The following INTS6 variants were observed in gnomAD, a reference collection of about 807,000 sequenced individuals.
The protein encoded by INTS6 is integrator complex subunit 6.
A neutral mutation model predicts 104.9 loss-of-function variants in INTS6; 16 were observed. The observed-to-expected ratio is 0.15, with a 90% CI of 0.10 to 0.23. The LOEUF is 0.23. INTS6 is among the 10% of genes least tolerant of loss of function. The pLI is 1.00. For missense variants in INTS6, 584 were observed against 1,062.8 expected, an observed-to-expected ratio of 0.55 and a Z score of 6.26; for synonymous variants, 324 against 358.7, an observed-to-expected ratio of 0.90 and a Z score of 1.09.
At chr13:51,451,461 G>T (rs1051344173) in intron 2 of INTS6, 64 of 192,376 alleles carry the variant, frequency 3.3e-4, no homozygotes, top group Non-Finnish European at 5.1e-4. Flanking sequence ...GAAGGTACTA[G>T]TGGAAGCAGA....
At chr13:51,418,156 G>A (rs902050966) in intron 4 of INTS6, among the ~76,000 whole-genome samples, 1 of 152,126 alleles carries the variant, frequency 6.6e-6, no homozygotes, top group Non-Finnish European at 1.5e-5. Context: ...AGGAATAAAA[G>A]AAAGTAATAC....
At chr13:51,336,283 T>A in the INTS6 span, among the ~76,000 whole-genome samples, 2 of 152,002 alleles carry the variant, frequency 1.3e-5, no homozygotes, top group Non-Finnish European at 2.9e-5. Flanking sequence ...AGGCCAGGAG[T>A]TCGAGACCAA....
At chr13:51,393,368 G>T (rs1272111269) in intron 5 of INTS6, among the ~76,000 whole-genome samples, 1 of 152,114 alleles carries the variant, frequency 6.6e-6, no homozygotes, top group South Asian at 2.1e-4. Context: ...ATGAGCCACC[G>T]CGCCCGGCCA....
At position 51,383,426 on chromosome 13, in the gene INTS6, A is replaced by C. The variant is rs907315266; in HGVS notation, c.1083T>G (p.Leu361=). The part of the protein sequence containing the change: ...YVSNSAKYSE[L]GHPFGYLKAS... ...CTTTCAAGTAACCAAAAGGATGACC[A>C]AGTTCACTGTATTTTGCACTATTGC... The change falls in exon 9 of 18, where the codon CTT becomes CTG. Residue 361 remains leucine (L), a synonymous_variant. Coordinates refer to ENST00000311234, the MANE Select transcript of INTS6 (RefSeq NM_012141.3). 1 of 1,614,026 alleles carries C rather than the reference A, an allele frequency of 6.2e-7. No homozygotes were observed. The highest frequency in any genetic ancestry group is 8.5e-7 in the Non-Finnish European group (1 of 1,179,952).
chr13:51,341,093 T>C, the INTS6 span: 1 of 1,613,500 alleles, frequency 6.2e-7, no homozygotes, highest in African/African-American at 1.3e-5. Flanking sequence ...CCAGCCTCCA[T>C]GCCGCCTTTC....
intron 16 of INTS6, among the ~76,000 whole-genome samples, chr13:51,368,268 A>T (rs1038392014): frequency 3.3e-5 from 5 of 152,078 alleles, no homozygotes; most frequent in African/African-American, 4.8e-5. Context: ...GGTAACTGGG[A>T]AGTGGGGGTA....
chr13:51,353,111 A>G (rs1955424693), downstream of INTS6, among the ~76,000 whole-genome samples: 1 of 152,062 alleles, frequency 6.6e-6, no homozygotes, highest in South Asian at 2.1e-4. Flanking sequence ...TACTCAAGTT[A>G]TTTTTGTAGC....
chr13:51,351,699 T>C (rs1320587304), downstream of INTS6, among the ~76,000 whole-genome samples: 1 of 152,142 alleles, frequency 6.6e-6, no homozygotes, highest in Non-Finnish European at 1.5e-5. Context: ...TTATATTGAA[T>C]AGACACCACT....
chr13:51,430,970 T>C (rs1957079992), intron 3 of INTS6, among the ~76,000 whole-genome samples: 1 of 152,124 alleles, frequency 6.6e-6, no homozygotes, highest in African/African-American at 2.4e-5. Context: ...AATGGTTACC[T>C]AAAGAAAATG....
chr13:51,351,146 A>G (rs371558081), downstream of INTS6, among the ~76,000 whole-genome samples: 15 of 152,160 alleles, frequency 9.9e-5, no homozygotes, highest in African/African-American at 2.4e-4. Flanking sequence ...TATATTTTCA[A>G]TTATCTTGGA....
At chr13:51,416,345 G>C (rs186002036) in intron 4 of INTS6, among the ~76,000 whole-genome samples, 3 of 152,296 alleles carry the variant, frequency 2.0e-5, no homozygotes, top group Non-Finnish European at 2.9e-5. Context: ...TCTACTTTCA[G>C]AACATTTTGA....
intron 3 of INTS6, among the ~76,000 whole-genome samples, chr13:51,434,796 A>G (rs1957157527): frequency 6.6e-6 from 1 of 151,978 alleles, no homozygotes; most frequent in African/African-American, 2.4e-5. Flanking sequence ...CTCTGTCAAC[A>G]TTGTTTACCC....
intron 4 of INTS6, among the ~76,000 whole-genome samples, chr13:51,412,111 A>G (rs1956700236): frequency 6.6e-6 from 1 of 152,212 alleles, no homozygotes; most frequent in African/African-American, 2.4e-5. Context: ...AGAGAAGACA[A>G]AACAATAGTG....
intron 4 of INTS6, among the ~76,000 whole-genome samples, chr13:51,415,371 C>A (rs1047120734): frequency 1.2e-4 from 18 of 152,100 alleles, no homozygotes; most frequent in Admixed American, 1.3e-4. Flanking sequence ...GCTGTGTCCC[C>A]ATCCAAATTT....
In INTS6 at chr13:51,452,577, T is replaced by C. The variant is rs1143540; in HGVS notation, c.-52A>G. On this transcript the variant is annotated 5_prime_UTR_variant, in exon 1 of 18. Coordinates refer to ENST00000311234, the MANE Select transcript of INTS6 (RefSeq NM_012141.3). The surrounding 1 kb of genome is among the most constrained non-coding windows in gnomAD (Gnocchi z 4.2). Reference sequence around the variant, plus strand: ...GAGGTGGTGGAGAAAGAGGAGATGGTAGAGGTGGAGGCGCCGGTGGCGGCG... The same window carrying C: ...GAGGTGGTGGAGAAAGAGGAGATGGCAGAGGTGGAGGCGCCGGTGGCGGCG... The C allele has an allele frequency of 1.9e-6, 3 of 1,587,584 alleles. No individual in the cohort carries two copies. In the South Asian group the frequency reaches 3.3e-5, roughly 18 times the overall value.
intron 7 of INTS6, 101 bp from the exon 8 acceptor site, chr13:51,383,842 G>A: frequency 2.0e-6 from 2 of 987,278 alleles, no homozygotes; most frequent in Non-Finnish European, 2.9e-6. Flanking sequence ...CGTCTTGCTA[G>A]TAAGAGTTTG....
At chr13:51,340,482 C>T in the INTS6 span, among the ~76,000 whole-genome samples, 1 of 151,892 alleles carries the variant, frequency 6.6e-6, no homozygotes, top group Non-Finnish European at 1.5e-5. Flanking sequence ...TTTTATATAC[C>T]ACTCATAGAA....
At chr13:51,389,274 C>T (rs774891382) in intron 6 of INTS6, 45 bp downstream of exon 6, 1 of 1,593,694 alleles carries the variant, frequency 6.3e-7, no homozygotes, top group Non-Finnish European at 8.5e-7. Flanking sequence ...GTTGAATAAA[C>T]AATAAAGCAA....
chr13:51,364,064 AT>A lies in INTS6; in HGVS notation c.*1687del. On this transcript the variant is annotated 3_prime_UTR_variant, in exon 18 of 18. Transcript: ENST00000311234. ...TTTAGGAACAGACAATATATTCTGG[AT>A]TTTGTGTAACTCTCAATGAATTTAG... The A allele has an allele frequency of 2.6e-6, 1 of 390,426 alleles. No homozygotes were observed. The highest frequency in any genetic ancestry group is 4.5e-6 in the Non-Finnish European group (1 of 221,482). 24.2% of individuals were successfully genotyped at this position (390,426 alleles called of 1,614,324 possible). A position where few individuals can be genotyped will look rare whatever the true frequency, so the allele number is the denominator to read the frequency against.
Sources: allele counts gnomAD v4.1 joint callset (sites outside exome capture counted in the v4.1 genomes callset), GRCh38; gene constraint gnomAD v4.1.1; non-coding constraint Gnocchi (gnomAD v3.1); transcripts MANE v1.5; gene names NCBI Gene and HGNC (gene_info 2026-07-23, HGNC 2026-07-21).